Variants in FOXP1 observed in about 807,000 individuals in gnomAD.
FOXP1 encodes the protein forkhead box P1.
Under a neutral mutation model 98.2 loss-of-function variants are expected in FOXP1, and 15 were observed. The observed-to-expected ratio is 0.15, with a 90% CI of 0.10 to 0.24. FOXP1 has a LOEUF of 0.24. Ranked by LOEUF, FOXP1 falls within the 10% of genes least tolerant of loss-of-function variation. The probability of loss-of-function intolerance (pLI) is 1.00; values close to 1 mark genes in which losing one functional copy is unlikely to be tolerated. For synonymous variants in FOXP1, 371 were observed against 314.5 expected, an observed-to-expected ratio of 1.18 and a Z score of -1.90; for missense variants, 633 against 848.5, an observed-to-expected ratio of 0.75 and a Z score of 3.15.
chr3:71,307,944 A>G (rs964524611), intron 4 of FOXP1, among the ~76,000 whole-genome samples: 3 of 152,224 alleles, frequency 2.0e-5, no homozygotes, highest in African/African-American at 7.2e-5. Flanking sequence ...ACGACAATCC[A>G]GGTAAGGGAT....
chr3:71,136,872 A>T (rs748887718), intron 6 of FOXP1, among the ~76,000 whole-genome samples: 1 of 152,218 alleles, frequency 6.6e-6, no homozygotes, highest in Non-Finnish European at 1.5e-5. Context: ...GGCTATCTAG[A>T]CATGTCCCTT....
chr3:71,122,337 A>G (rs2058838927), intron 6 of FOXP1, among the ~76,000 whole-genome samples: 1 of 152,228 alleles, frequency 6.6e-6, no homozygotes, highest in Admixed American at 6.5e-5. Context: ...AAGACAAAAG[A>G]AAGAAACAGA....
intron 5 of FOXP1, among the ~76,000 whole-genome samples, chr3:71,240,746 C>T (rs2067201255): frequency 6.6e-6 from 1 of 151,204 alleles, no homozygotes; most frequent in Non-Finnish European, 1.5e-5. Flanking sequence ...AGGGTTTCAC[C>T]ATGTTAGCCA....
intron 11 of FOXP1, among the ~76,000 whole-genome samples, chr3:71,023,632 T>C (rs2045732643): frequency 2.6e-5 from 4 of 152,222 alleles, no homozygotes; most frequent in Non-Finnish European, 5.9e-5. Context: ...TTTCCCTGCC[T>C]GTGACTCTGT....
At chr3:71,401,664 A>G (rs1227622471) in intron 3 of FOXP1, among the ~76,000 whole-genome samples, 1 of 152,186 alleles carries the variant, frequency 6.6e-6, no homozygotes, top group African/African-American at 2.4e-5. Flanking sequence ...ATGCAAGACA[A>G]CCTTTGCTGG....
chr3:71,500,824 T>C (rs542973203), intron 2 of FOXP1, among the ~76,000 whole-genome samples: 52 of 152,258 alleles, frequency 3.4e-4, no homozygotes, highest in African/African-American at 1.1e-3. Flanking sequence ...CCAAGATCCA[T>C]GGAAACCTTT....
intron 5 of FOXP1, among the ~76,000 whole-genome samples, chr3:71,216,732 G>C (rs1214313450): frequency 6.6e-6 from 1 of 151,930 alleles, no homozygotes; most frequent in Non-Finnish European, 1.5e-5. Flanking sequence ...AAGTATGAGG[G>C]AAAAGGATAC....
At chr3:71,522,210 A>G (rs1174431182) in intron 2 of FOXP1, among the ~76,000 whole-genome samples, 1 of 152,194 alleles carries the variant, frequency 6.6e-6, no homozygotes, top group Admixed American at 6.5e-5. Flanking sequence ...GACAGAGGCA[A>G]GGGTCCCTGG....
At position 70,963,493 on chromosome 3, in the gene FOXP1, A is replaced by C. The variant is rs553490977; in HGVS notation, c.1889+2397T>G. 6.1e-4 allele frequency among the ~76,000 whole-genome samples: 93 copies of C among 152,234 alleles called. 1 individual carries two copies. The South Asian group carries it at 6.5e-3, about 11-fold the overall frequency. ...CACATACACTCACCGTGTCTCCTGGAAGTTAGGGCTGTGTATGATGCACCT... is the reference window on the plus strand; with the variant it reads ...CACATACACTCACCGTGTCTCCTGGCAGTTAGGGCTGTGTATGATGCACCT... On this transcript the variant is annotated intron_variant, in intron 20 of 20. Transcript: ENST00000649528.
chr3:71,193,191 A>T (rs1264732815), intron 6 of FOXP1, among the ~76,000 whole-genome samples: 1 of 143,826 alleles, frequency 7.0e-6, no homozygotes, highest in Non-Finnish European at 1.5e-5. Flanking sequence ...TCTGTTGCCC[A>T]GGCTGGAGTG....
intron 5 of FOXP1, among the ~76,000 whole-genome samples, chr3:71,203,938 G>GAGGACGGAAGGA (rs2063827552): frequency 7.6e-6 from 1 of 131,352 alleles, no homozygotes; most frequent in Non-Finnish European, 1.6e-5. Flanking sequence ...GAAAAGGAAG[G>GAGGACGGAAGGA]AGGAAGGAAG....
At chr3:71,138,475 GAA>G (rs1293862907) in intron 6 of FOXP1, among the ~76,000 whole-genome samples, 1 of 152,138 alleles carries the variant, frequency 6.6e-6, no homozygotes, top group African/African-American at 2.4e-5. Flanking sequence ...GCCCTCCTCT[GAA>G]AAAGAAAGGC....
At chr3:71,511,288 C>CA (rs1452076186) in intron 2 of FOXP1, among the ~76,000 whole-genome samples, 2 of 152,124 alleles carry the variant, frequency 1.3e-5, no homozygotes, top group Non-Finnish European at 2.9e-5. Context: ...AACGCAACTG[C>CA]AACTTTAAAA....
At chr3:71,197,936 G>T (rs1419598190) in intron 6 of FOXP1, 1 of 1,614,052 alleles carries the variant, frequency 6.2e-7, no homozygotes, top group Admixed American at 1.7e-5. Flanking sequence ...TGACACACAG[G>T]TCCACTCATC....
At chr3:71,182,515 T>C (rs2108289126) in intron 6 of FOXP1, among the ~76,000 whole-genome samples, 1 of 149,028 alleles carries the variant, frequency 6.7e-6, no homozygotes, top group Admixed American at 6.8e-5. Context: ...TGTGTGTGTG[T>C]GTGTGTGTGT....
At chr3:71,204,161 C>T (rs1458049023) in intron 5 of FOXP1, among the ~76,000 whole-genome samples, 1 of 152,164 alleles carries the variant, frequency 6.6e-6, no homozygotes, top group Admixed American at 6.5e-5. Context: ...ACTCATGTTG[C>T]ATCATTAAGA....
At chr3:71,433,681 A>C (rs1460284944) in intron 3 of FOXP1, among the ~76,000 whole-genome samples, 1 of 152,220 alleles carries the variant, frequency 6.6e-6, no homozygotes, top group African/African-American at 2.4e-5. Flanking sequence ...AGTTCTCCCC[A>C]GCTTGCAATG....
intron 11 of FOXP1, among the ~76,000 whole-genome samples, chr3:71,024,874 C>A (rs550401207): frequency 1.3e-5 from 2 of 152,236 alleles, no homozygotes; most frequent in African/African-American, 4.8e-5. Flanking sequence ...TTTGTTCCCC[C>A]CTTCTTTCTT....
At chr3:71,102,048 AT>A (rs546319239) in intron 7 of FOXP1, among the ~76,000 whole-genome samples, 371 of 152,324 alleles carry the variant, frequency 2.4e-3, no homozygotes, top group African/African-American at 8.6e-3. Flanking sequence ...AATGACTAGT[AT>A]TCAGTCCCTG....
Sources: gnomAD v4.1 joint callset for allele counts (sites outside exome capture counted in the v4.1 genomes callset) on GRCh38, gnomAD v4.1.1 for gene constraint, MANE v1.5 for transcripts, NCBI Gene and HGNC (gene_info 2026-07-23, HGNC 2026-07-21) for gene names.